ARID3A: variants seen among roughly 807,000 people sequenced by gnomAD.
ARID3A encodes the protein AT-rich interactive domain-containing protein 3A.
In ARID3A, 11 loss-of-function variants were observed where a neutral mutation model predicts 52.7. The observed-to-expected ratio is 0.21, with a 90% confidence interval of 0.13 to 0.35. The LOEUF is 0.35. Ranked by LOEUF, ARID3A falls within the 10% of genes least tolerant of loss-of-function variation. The pLI is 1.00. For synonymous variants in ARID3A, 404 were observed against 359.4 expected, an observed-to-expected ratio of 1.12 and a Z score of -1.40; for missense variants, 721 against 838.5, an observed-to-expected ratio of 0.86 and a Z score of 1.73.
In ARID3A at chr19:929,623, C is replaced by T; in HGVS notation, c.95C>T (p.Pro32Leu). The part of the protein sequence containing the change: ...EARQQLPPDP[P>L]AAPPGRARAA... ...CGGCAGCAGCTGCCCCCCGATCCCC[C>T]TGCTGCACCCCCCGGCCGGGCCCGG... Residue 32 changes from proline (P) to leucine (L), a missense_variant, in exon 2 of 9, where the codon CCT becomes CTT. Physicochemically the swap from Pro to Leu is moderately conservative, Grantham distance 98. Transcript: ENST00000263620. This position sits in a 1 kb window ranked among gnomAD's most constrained non-coding sequence, Gnocchi z 6.2. The T allele has an allele frequency of 1.3e-6, 2 of 1,526,696 alleles. No homozygotes were observed. Among genetic ancestry groups the T allele is most frequent in the Non-Finnish European group, 1.7e-6 (2 of 1,143,136 alleles). 94.6% of individuals were successfully genotyped at this position (1,526,696 alleles called of 1,614,324 possible).
At chr19:935,942 C>T (rs1483693065) in intron 3 of ARID3A, among the ~76,000 whole-genome samples, 163 of 152,220 alleles carry the variant, frequency 1.1e-3, no homozygotes, top group Non-Finnish European at 3.5e-4. Flanking sequence ...AGGCATCCGC[C>T]ACCGCGCCCG....
At chr19:933,102 C>G (rs528582559) in intron 3 of ARID3A, among the ~76,000 whole-genome samples, 3 of 152,060 alleles carry the variant, frequency 2.0e-5, no homozygotes, top group Non-Finnish European at 4.4e-5. Context: ...GCGGGCGATG[C>G]GGGCAGAGAG....
At position 964,935 on chromosome 19, in the gene ARID3A, C is replaced by T; in HGVS notation, c.1053C>T (p.Arg351=). 1 of 1,613,974 alleles carries T rather than the reference C, an allele frequency of 6.2e-7. No homozygotes were observed. The highest frequency in any genetic ancestry group is 8.5e-7 in the Non-Finnish European group (1 of 1,180,012). The change falls in exon 6 of 9, where the codon CGC becomes CGT. Residue 351 remains arginine (R), a synonymous_variant. Coordinates refer to ENST00000263620, the MANE Select transcript of ARID3A (RefSeq NM_005224.3). The surrounding 1 kb of genome is among the most constrained non-coding windows in gnomAD (Gnocchi z 5.7). ...AIDSNRREGR[R]QSFGGSLFAY... is the part of the protein sequence containing the mutation. ...ACAGCAACCGACGGGAGGGCCGGCGCCAGAGCTTTGGTGGCTCCCTCTTTG... is the reference window on the plus strand; with the variant it reads ...ACAGCAACCGACGGGAGGGCCGGCGTCAGAGCTTTGGTGGCTCCCTCTTTG...
rs1229217616 is a variant in ARID3A, at chr19:941,078, G to T, written c.693+8336G>T. Reference sequence around the variant, plus strand: ...CACCGCCGCCGCGGCCTGGCCCCACGCCCACCGCCGGCGTCCCACCCTGGT... The same window carrying T: ...CACCGCCGCCGCGGCCTGGCCCCACTCCCACCGCCGGCGTCCCACCCTGGT... On this transcript the variant is annotated intron_variant, in intron 3 of 8. Coordinates refer to ENST00000263620, the MANE Select transcript of ARID3A (RefSeq NM_005224.3). This position sits in a 1 kb window ranked among gnomAD's most constrained non-coding sequence, Gnocchi z 6.9. Among the ~76,000 whole-genome samples the T allele has an allele frequency of 6.6e-6, 1 of 152,078 alleles. No individual in the cohort carries two copies.
rs918694448 is a variant in ARID3A at position 941,715 on chromosome 19, G to A, written c.693+8973G>A. ...GATCCTCCCGCCTCGGTCTCTGAAA[G>A]TGCTGGGATTACAGGCGTGAGCTGC... is the stretch of plus-strand genomic sequence containing the variant. On this transcript the variant is annotated intron_variant, in intron 3 of 8. Coordinates refer to ENST00000263620, the MANE Select transcript of ARID3A (RefSeq NM_005224.3). The surrounding 1 kb of genome is among the most constrained non-coding windows in gnomAD (Gnocchi z 6.9). 6.6e-6 allele frequency among the ~76,000 whole-genome samples: 1 copy of A among 152,096 alleles called. No homozygotes were observed. Among genetic ancestry groups the A allele is most frequent in the Non-Finnish European group, 1.5e-5 (1 of 68,014 alleles).
Position 975,566 on chromosome 19 carries a change from A to G in ARID3A, c.*3501A>G, listed in dbSNP as rs1395311218. On this transcript the variant is annotated 3_prime_UTR_variant, in exon 9 of 9. Transcript: ENST00000263620. ...CTGGAGTTTGTCAGACGGCGTGGGA[A>G]CCACGCCTGAAACTCAGGTAATAGG... The G allele has an allele frequency of 4.8e-6, 1 of 208,874 alleles. No homozygotes were observed. Among genetic ancestry groups the G allele is most frequent in the Non-Finnish European group, 9.7e-6 (1 of 102,664 alleles). 12.9% of individuals were successfully genotyped at this position (208,874 alleles called of 1,614,324 possible).
chr19:955,199 C>G (rs1200434602), intron 3 of ARID3A, among the ~76,000 whole-genome samples: 1 of 152,200 alleles, frequency 6.6e-6, no homozygotes, highest in Non-Finnish European at 1.5e-5. Context: ...CATGGGCAGC[C>G]TGGACACCGT....
At chr19:930,954 G>A (rs1396464277) in intron 2 of ARID3A, among the ~76,000 whole-genome samples, 1 of 152,194 alleles carries the variant, frequency 6.6e-6, no homozygotes, top group Non-Finnish European at 1.5e-5. Flanking sequence ...CTCACTTGCT[G>A]TGGGATCCTG....
intron 3 of ARID3A, among the ~76,000 whole-genome samples, chr19:934,111 C>T (rs570497065): frequency 9.9e-5 from 15 of 152,236 alleles, no homozygotes; most frequent in African/African-American, 2.2e-4. Context: ...GCCATCTGCC[C>T]GGGACTCAGC....
intron 3 of ARID3A, among the ~76,000 whole-genome samples, chr19:934,048 C>T (rs897319058): frequency 6.6e-6 from 1 of 152,172 alleles, no homozygotes; most frequent in South Asian, 2.1e-4. Flanking sequence ...AGTGGATTCT[C>T]TTTAATTTCA....
At chr19:969,579 T>C (rs992464916) in intron 8 of ARID3A, among the ~76,000 whole-genome samples, 1 of 151,626 alleles carries the variant, frequency 6.6e-6, no homozygotes, top group African/African-American at 2.4e-5. Context: ...TCGATAGATA[T>C]AGCTGTAGCT....
At position 972,222 on chromosome 19, in the gene ARID3A, G is replaced by GATATAT. The variant is rs10637085; in HGVS notation, c.*177_*182dup. On this transcript the variant is annotated 3_prime_UTR_variant, in exon 9 of 9. Transcript: ENST00000263620. ...CTGACGCCAAAAAGAAAAGAAAAAA[G>GATATAT]ATATATATATATATATATATATATA... 8.7e-3 allele frequency: 1,934 copies of GATATAT among 222,544 alleles called. 11 individuals carry two copies. The highest frequency in any genetic ancestry group is 0.012 in the Admixed American group (184 of 15,670). 13.8% of individuals were successfully genotyped at this position (222,544 alleles called of 1,614,324 possible).
intron 4 of ARID3A, among the ~76,000 whole-genome samples, chr19:961,052 G>GCCGGACC (rs2145442821): frequency 6.6e-6 from 1 of 152,280 alleles, no homozygotes; most frequent in African/African-American, 2.4e-5. Context: ...AGGAGCGTCT[G>GCCGGACC]CTGCCAGGTA....
At chr19:969,471 A>G (rs1015504350) in intron 8 of ARID3A, among the ~76,000 whole-genome samples, 1 of 151,612 alleles carries the variant, frequency 6.6e-6, no homozygotes, top group African/African-American at 2.4e-5. Context: ...CAGGAGGTGG[A>G]GGTTGCAGTG....
rs1236065755 is a variant in ARID3A, at chr19:929,439, C to G, written c.-90C>G. 4 of 1,250,502 alleles carry G rather than the reference C, an allele frequency of 3.2e-6. No individual in the cohort carries two copies. Among genetic ancestry groups the G allele is most frequent in the Non-Finnish European group, 3.0e-6 (3 of 984,880 alleles). The allele number at this position is 1,250,502 out of a possible 1,614,324, so 77.5% of individuals were successfully genotyped here. A position where few individuals can be genotyped will look rare whatever the true frequency, so the allele number is the denominator to read the frequency against. On this transcript the variant is annotated 5_prime_UTR_variant, in exon 2 of 9. Transcript: ENST00000263620. This position sits in a 1 kb window ranked among gnomAD's most constrained non-coding sequence, Gnocchi z 6.2. ...CCCCACGCTGCAGTGCGGCCGGGCC[C>G]CCTCCCCGCAGGGGCCGCCCCCGCC...
At chr19:955,253 C>T (rs942508484) in intron 3 of ARID3A, among the ~76,000 whole-genome samples, 1 of 152,162 alleles carries the variant, frequency 6.6e-6, no homozygotes, top group African/African-American at 2.4e-5. Context: ...CTGGCCAGGG[C>T]GGGGCGCCCC....
intron 3 of ARID3A, among the ~76,000 whole-genome samples, chr19:948,208 C>G (rs1227590553): frequency 6.6e-6 from 1 of 151,404 alleles, no homozygotes; most frequent in East Asian, 1.9e-4. Flanking sequence ...AGTCCGGGCC[C>G]TTTTTGGACA....
chr19:968,453 G>A lies in ARID3A; in HGVS notation c.1544G>A (p.Gly515Asp), dbSNP rs1025651534. The A allele has an allele frequency of 6.8e-6, 11 of 1,614,060 alleles. No individual in the cohort carries two copies. Among genetic ancestry groups the A allele is most frequent in the African/African-American group, 1.3e-5 (1 of 75,036 alleles). ...DSAVNLTGTN[G>D]SNSISMSVEI... ...GCTGTGAACCTGACGGGCACCAACG[G>A]CAGCAACAGCATCAGCATGTCGGTG... Residue 515 changes from glycine to aspartate, a missense_variant, in exon 8 of 9, where the codon GGC (glycine) becomes GAC (aspartate). Physicochemically the swap from Gly to Asp is moderately conservative, Grantham distance 94. Around this residue, in one of 5 missense-constraint regions of ARID3A, gnomAD observed 297 missense variants for 343.2 expected, o/e 0.87. Coordinates refer to ENST00000263620, the MANE Select transcript of ARID3A (RefSeq NM_005224.3).
At chr19:934,436 C>T (rs528009854) in intron 3 of ARID3A, among the ~76,000 whole-genome samples, 7 of 152,330 alleles carry the variant, frequency 4.6e-5, no homozygotes, top group Admixed American at 1.3e-4. Flanking sequence ...CACTGTCTAC[C>T]TTGTCTGGGC....
Sources: gnomAD v4.1 joint callset for allele counts (sites outside exome capture counted in the v4.1 genomes callset) on GRCh38, gnomAD v4.1.1 for gene constraint, gnomAD v4.1.1 regional missense constraint, Gnocchi (gnomAD v3.1) non-coding constraint, MANE v1.5 for transcripts, NCBI Gene and HGNC (gene_info 2026-07-23, HGNC 2026-07-21) for gene names.